The following POGZ variants were observed in gnomAD, a reference collection of about 807,000 sequenced individuals.
The protein encoded by POGZ is pogo transposable element with ZNF domain.
A neutral mutation model predicts 134.6 loss-of-function variants in POGZ; 17 were observed. The ratio of observed to expected loss-of-function variants is 0.13; its 90% CI spans 0.09 to 0.19. The LOEUF (loss-of-function observed/expected upper bound fraction) is 0.19, where lower values mean the gene tolerates loss of function less well. Ranked by LOEUF, POGZ falls within the 10% of genes least tolerant of loss-of-function variation. The pLI is 1.00. For synonymous variants in POGZ, 693 were observed against 657.1 expected (o/e 1.05, Z -0.84); for missense variants, 1,306 against 1,769.7 (o/e 0.74, Z 4.70).
At chr1:151,438,239 G>C (rs1271519254) in intron 3 of POGZ, among the ~76,000 whole-genome samples, 1 of 151,666 alleles carries the variant, frequency 6.6e-6, no homozygotes, top group Non-Finnish European at 1.5e-5. Flanking sequence ...AAAAACAAGA[G>C]TATCTGATGA....
At position 151,406,431 on chromosome 1, in the gene POGZ, C is replaced by T. The variant is rs765940278; in HGVS notation, c.2604G>A (p.Arg868=). 1 of 1,552,802 alleles carries T rather than the reference C, an allele frequency of 6.4e-7. No individual in the cohort carries two copies. The highest frequency in any genetic ancestry group is 8.7e-7 in the Non-Finnish European group (1 of 1,151,852). Residue 868 remains arginine (R), a synonymous_variant, in exon 19 of 19, where the codon CGG becomes CGA. Coordinates refer to ENST00000271715, the MANE Select transcript of POGZ (RefSeq NM_015100.4). ...GAGGAGGGTACATATTCTTCACGTT[C>T]CGGTCATGCACTCGGTCACGAGTCT... ...HGQTRDRVHD[R]NVKNMYPPPS...
chr1:151,432,351 T>C (rs1000075096), intron 3 of POGZ, among the ~76,000 whole-genome samples: 1 of 152,182 alleles, frequency 6.6e-6, no homozygotes. Context: ...AATAGGTATG[T>C]AGGTGGCTAC....
intron 2 of POGZ, among the ~76,000 whole-genome samples, chr1:151,441,358 T>A (rs1033711371): frequency 2.6e-5 from 4 of 152,194 alleles, no homozygotes; most frequent in African/African-American, 9.7e-5. Flanking sequence ...TACATAGCAC[T>A]AGCAAACCTC....
chr1:151,446,271 A>C (rs1389854032), intron 1 of POGZ, among the ~76,000 whole-genome samples: 3 of 139,622 alleles, frequency 2.1e-5, no homozygotes, highest in African/African-American at 7.5e-5. Context: ...AAAAAAAAAA[A>C]AAACGAATTT....
Position 151,403,535 on chromosome 1 carries a change from T to C in POGZ, c.*1267A>G. The C allele has an allele frequency of 1.0e-6, 1 of 985,602 alleles. No individual in the cohort carries two copies. Among genetic ancestry groups the C allele is most frequent in the Non-Finnish European group, 1.2e-6 (1 of 829,736 alleles). 61.1% of individuals were successfully genotyped at this position (985,602 alleles called of 1,614,324 possible). The stretch of plus-strand genomic sequence containing the variant: ...CTCTGTACGGTACAGTACGTTTTGG[T>C]TTACAACCATGAGTACATACAATTA... On this transcript the variant is annotated 3_prime_UTR_variant, in exon 19 of 19. Coordinates refer to ENST00000271715, the MANE Select transcript of POGZ (RefSeq NM_015100.4).
chr1:151,430,614 G>A (rs1658529672), intron 4 of POGZ, 52 bp downstream of exon 4: 2 of 1,421,588 alleles, frequency 1.4e-6, no homozygotes, highest in Non-Finnish European at 2.0e-6. Context: ...GTTTTCAGAG[G>A]TTTATAGTCT....
At chr1:151,425,520 C>T (rs376523451) in intron 7 of POGZ, among the ~76,000 whole-genome samples, 16 of 152,102 alleles carry the variant, frequency 1.1e-4, no homozygotes, top group Admixed American at 2.6e-4. Context: ...ATTCTCCCCT[C>T]GCCTCCACCC....
chr1:151,417,629 TG>T lies in POGZ; in HGVS notation c.1679-5234del, dbSNP rs1278167022. On this transcript the variant is annotated intron_variant, in intron 10 of 18. Transcript: ENST00000271715. ...CGTCCGCCTCAGCCTCCCAAAGTGC[TG>T]GGAGTACAGGCGTGAGCCACTGCGC... Among the ~76,000 whole-genome samples, 2 of 150,814 alleles carry T rather than the reference TG, an allele frequency of 1.3e-5. 1 individual carries two copies. Among genetic ancestry groups the T allele is most frequent in the African/African-American group, 4.9e-5 (2 of 40,980 alleles).
At chr1:151,458,653 C>T (rs1034567482) in intron 1 of POGZ, among the ~76,000 whole-genome samples, 1 of 145,928 alleles carries the variant, frequency 6.9e-6, no homozygotes, top group Non-Finnish European at 1.5e-5. Flanking sequence ...GCCGGCCCCT[C>T]CCGCCGCGCC....
In POGZ at chr1:151,459,422, G is replaced by T. The variant is rs1289595827; in HGVS notation, c.-272C>A. On this transcript the variant is annotated 5_prime_UTR_variant, in exon 1 of 19. Transcript: ENST00000271715. Reference sequence around the variant, plus strand: ...TGGGGGGGCCAAGGAATGCGGCTCCGTGTACGGGAGCTGGCGCGGGGGAGA... The same window carrying T: ...TGGGGGGGCCAAGGAATGCGGCTCCTTGTACGGGAGCTGGCGCGGGGGAGA... 6.6e-6 allele frequency: 1 copy of T among 151,862 alleles called. No individual in the cohort carries two copies. The highest frequency in any genetic ancestry group is 1.5e-5 in the Non-Finnish European group (1 of 67,954). The allele number at this position is 151,862 out of a possible 1,614,324, so 9.4% of individuals were successfully genotyped here.
At chr1:151,455,147 T>C (rs1662622252) in intron 1 of POGZ, 1 of 151,886 alleles carries the variant, frequency 6.6e-6, no homozygotes, top group Non-Finnish European at 1.5e-5. Flanking sequence ...TATGGCTTAA[T>C]ATCACAAACA....
In POGZ at chr1:151,404,819, C is replaced by G. The variant is rs1457487003; in HGVS notation, c.4216G>C (p.Asp1406His). Residue 1406 changes from aspartate (D) to histidine (H), a missense_variant, in exon 19 of 19, where the codon GAT (aspartate) becomes CAT (histidine). Physicochemically the swap from Asp to His is moderately conservative, Grantham distance 81 (BLOSUM62 -1). Coordinates refer to ENST00000271715, the MANE Select transcript of POGZ (RefSeq NM_015100.4). ...CCCAACACTCAAATCTCCATCAGAT[C>G]TAGGTCAGCTTCTTCAAAGCCATAG... Reference protein sequence around the residue: ...SFYGFEEADLDLMEI With the variant: ...SFYGFEEADLHLMEI 1 of 1,608,442 alleles carries G rather than the reference C, an allele frequency of 6.2e-7. No individual in the cohort carries two copies. Among genetic ancestry groups the G allele is most frequent in the Non-Finnish European group, 8.5e-7 (1 of 1,177,154 alleles).
chr1:151,445,058 T>A (rs1478532869), intron 1 of POGZ, among the ~76,000 whole-genome samples: 1 of 150,800 alleles, frequency 6.6e-6, no homozygotes, highest in East Asian at 2.0e-4. Flanking sequence ...CCCTACAAAA[T>A]AAAATAAAAA....
chr1:151,445,017 T>TGAGCTGGA (rs924877600), intron 1 of POGZ, among the ~76,000 whole-genome samples: 3 of 151,936 alleles, frequency 2.0e-5, no homozygotes, highest in African/African-American at 7.3e-5. Flanking sequence ...CACTCCAGCC[T>TGAGCTGGA]GAGCTGGAGA....
intron 14 of POGZ, 26 bp from the exon 15 acceptor site, chr1:151,408,266 C>A: frequency 6.2e-7 from 1 of 1,602,336 alleles, no homozygotes; most frequent in South Asian, 1.1e-5. Context: ...AAAAAGAATT[C>A]TCATTACTGC....
chr1:151,452,405 C>T (rs1662230884), intron 1 of POGZ, among the ~76,000 whole-genome samples: 1 of 151,414 alleles, frequency 6.6e-6, no homozygotes, highest in African/African-American at 2.4e-5. Flanking sequence ...GGCTGGAGTG[C>T]AGTGGCACAA....
chr1:151,415,012 T>C (rs1461478666), intron 10 of POGZ, among the ~76,000 whole-genome samples: 16 of 152,170 alleles, frequency 1.1e-4, no homozygotes, highest in Admixed American at 1.0e-3. Flanking sequence ...TAACACAATC[T>C]CCTACTTTGA....
At chr1:151,429,751 A>C in intron 4 of POGZ, 40 bp from the exon 5 acceptor site, 1 of 1,155,424 alleles carries the variant, frequency 8.7e-7, no homozygotes, top group Non-Finnish European at 1.3e-6. Context: ...ATGGAGACCA[A>C]TTAACACTGA....
chr1:151,416,573 C>T (rs1312782426), intron 10 of POGZ, among the ~76,000 whole-genome samples: 1 of 151,114 alleles, frequency 6.6e-6, no homozygotes, highest in East Asian at 1.9e-4. Context: ...TCCTTCAAGT[C>T]ACTGCACTGC....
Sources: allele counts gnomAD v4.1 joint callset (sites outside exome capture counted in the v4.1 genomes callset), GRCh38; gene constraint gnomAD v4.1.1; transcripts MANE v1.5; gene names NCBI Gene and HGNC (gene_info 2026-07-23, HGNC 2026-07-21).